The following NAP1L1 variants were observed in gnomAD, a reference collection of about 807,000 sequenced individuals.
The protein encoded by NAP1L1 is nucleosome assembly protein 1-like 1.
In NAP1L1, 9 loss-of-function variants were observed where a neutral mutation model predicts 58.9. That is an observed-to-expected ratio of 0.15 (90% CI 0.09 to 0.27). NAP1L1 has a LOEUF of 0.27. Ranked by LOEUF, NAP1L1 falls within the 10% of genes least tolerant of loss-of-function variation. The pLI is 1.00. For missense variants in NAP1L1, 302 were observed against 458.8 expected (o/e 0.66, Z 3.12); for synonymous variants, 130 against 138.3 (o/e 0.94, Z 0.42).
Position 76,040,540 on chromosome 12 carries a change from C to CA in NAP1L1, c.*7888dup, listed in dbSNP as rs1254603228. The CA allele has an allele frequency of 1.3e-5, 2 of 152,056 alleles. No homozygotes were observed. The highest frequency in any genetic ancestry group is 2.9e-5 in the Non-Finnish European group (2 of 68,108). 9.4% of individuals were successfully genotyped at this position (152,056 alleles called of 1,614,324 possible). A position where few individuals can be genotyped will look rare whatever the true frequency, so the allele number is the denominator to read the frequency against. ...ACATACACACACACACACACACAGACAGTTTCATTCTGTTGCTCAGGTTGG... is the reference window on the plus strand; with the variant it reads ...ACATACACACACACACACACACAGACAAGTTTCATTCTGTTGCTCAGGTTGG... On this transcript the variant is annotated 3_prime_UTR_variant, in exon 15 of 15. Transcript: ENST00000618691.
chr12:76,046,132 T>C lies in NAP1L1; in HGVS notation c.*2297A>G, dbSNP rs533117246. The C allele has an allele frequency of 4.6e-5, 7 of 151,858 alleles. No homozygotes were observed. The East Asian group carries it at 1.4e-3, about 29-fold the overall frequency. 9.4% of individuals were successfully genotyped at this position (151,858 alleles called of 1,614,324 possible). Reference sequence around the variant, plus strand: ...CTCCACTCTTCAAAAAAAAAGTATATACATTCATTTAAAAAAAAACACCCA... The same window carrying C: ...CTCCACTCTTCAAAAAAAAAGTATACACATTCATTTAAAAAAAAACACCCA... On this transcript the variant is annotated 3_prime_UTR_variant, in exon 15 of 15. Transcript: ENST00000618691.
intron 5 of NAP1L1, 88 bp downstream of exon 5, chr12:76,060,050 C>T: frequency 2.8e-6 from 4 of 1,409,918 alleles, no homozygotes; most frequent in African/African-American, 1.4e-5. Context: ...AATGAGAGTT[C>T]TAAAGATTAA....
intron 4 of NAP1L1, among the ~76,000 whole-genome samples, chr12:76,065,797 T>G (rs1056411444): frequency 2.0e-5 from 3 of 152,016 alleles, no homozygotes; most frequent in African/African-American, 7.2e-5. Flanking sequence ...TTTTGCTTGT[T>G]GACAACCCTG....
chr12:76,053,087 T>C lies in NAP1L1; in HGVS notation c.936+4A>G. On this transcript the variant is annotated splice_donor_region_variant and intron_variant, in intron 11 of 14. Coordinates refer to ENST00000618691, the MANE Select transcript of NAP1L1 (RefSeq NM_004537.7). ...TTCAATAAATATATAACAATTCAAC[T>C]TACCAGATCTCCACTCTCAGGAACT... 5 of 1,605,706 alleles carry C rather than the reference T, an allele frequency of 3.1e-6. No individual in the cohort carries two copies. Among genetic ancestry groups the C allele is most frequent in the Non-Finnish European group, 3.4e-6 (4 of 1,174,640 alleles).
chr12:76,074,089 A>T (rs1248820746), intron 2 of NAP1L1, 114 bp downstream of exon 2: 1 of 897,330 alleles, frequency 1.1e-6, no homozygotes, highest in East Asian at 2.5e-5. Flanking sequence ...AAAAGTAGGT[A>T]CTAAGCATTA....
chr12:76,049,524 C>T, intron 13 of NAP1L1: 1 of 1,535,446 alleles, frequency 6.5e-7, no homozygotes, highest in Non-Finnish European at 8.7e-7. Context: ...GAGCTGATAA[C>T]CCTGCAGCAG....
At chr12:76,074,111 T>G (rs1269701219) in intron 2 of NAP1L1, 92 bp downstream of exon 2, 2 of 1,132,866 alleles carry the variant, frequency 1.8e-6, no homozygotes, top group East Asian at 2.4e-5. Flanking sequence ...TAACTACATT[T>G]TCATAATATA....
chr12:76,042,546 A>G lies in NAP1L1; in HGVS notation c.*5883T>C, dbSNP rs967640578. ...TATTCATGGATTCTTATTCCTATAGAGCAACCTCATCTACTTTCCTAGTTG... is the reference window on the plus strand; with the variant it reads ...TATTCATGGATTCTTATTCCTATAGGGCAACCTCATCTACTTTCCTAGTTG... On this transcript the variant is annotated 3_prime_UTR_variant, in exon 15 of 15. Coordinates refer to ENST00000618691, the MANE Select transcript of NAP1L1 (RefSeq NM_004537.7). 6.6e-6 allele frequency: 1 copy of G among 152,244 alleles called. No individual in the cohort carries two copies. The highest frequency in any genetic ancestry group is 1.5e-5 in the Non-Finnish European group (1 of 68,034). 9.4% of individuals were successfully genotyped at this position (152,244 alleles called of 1,614,324 possible).
In NAP1L1 at chr12:76,050,103, G is replaced by A. The variant is rs74793459; in HGVS notation, c.1060-318C>T. Among the ~76,000 whole-genome samples, 568 of 152,214 alleles carry A rather than the reference G, an allele frequency of 3.7e-3. 2 individuals carry two copies. Among genetic ancestry groups the A allele is most frequent in the African/African-American group, 0.013 (549 of 41,544 alleles). Reference sequence around the variant, plus strand: ...GGACCTAAAGCCTACTCTAACAATTGCCGTTGAGCAATAAACATATTCAAA... The same window carrying A: ...GGACCTAAAGCCTACTCTAACAATTACCGTTGAGCAATAAACATATTCAAA... On this transcript the variant is annotated intron_variant, in intron 12 of 14. Transcript: ENST00000618691.
rs1948653461 is a variant in NAP1L1 at position 76,047,948 on chromosome 12, T to A, written c.*481A>T. The A allele has an allele frequency of 6.5e-6, 1 of 154,958 alleles. No individual in the cohort carries two copies. The highest frequency in any genetic ancestry group is 2.4e-5 in the African/African-American group (1 of 41,478). 9.6% of individuals were successfully genotyped at this position (154,958 alleles called of 1,614,324 possible). A position where few individuals can be genotyped will look rare whatever the true frequency, so the allele number is the denominator to read the frequency against. ...CTGGAAATTCTTAACCATATAGTTGTCTTGCCAATTTTTTTTTTAAACAAT... is the reference window on the plus strand; with the variant it reads ...CTGGAAATTCTTAACCATATAGTTGACTTGCCAATTTTTTTTTTAAACAAT... On this transcript the variant is annotated 3_prime_UTR_variant, in exon 15 of 15. Coordinates refer to ENST00000618691, the MANE Select transcript of NAP1L1 (RefSeq NM_004537.7).
intron 1 of NAP1L1, among the ~76,000 whole-genome samples, chr12:76,080,002 T>A (rs1341806794): frequency 6.6e-6 from 1 of 152,184 alleles, no homozygotes; most frequent in African/African-American, 2.4e-5. Flanking sequence ...AAAGGAAATC[T>A]TCCTTCCTAA....
intron 2 of NAP1L1, among the ~76,000 whole-genome samples, chr12:76,072,217 G>C: frequency 6.9e-6 from 1 of 145,766 alleles, no homozygotes; most frequent in African/African-American, 2.6e-5. Context: ...GAAAGAAAAT[G>C]TAAGAGCAAA....
At chr12:76,060,096 C>A (rs1187848970) in intron 5 of NAP1L1, 42 bp downstream of exon 5, 3 of 1,579,828 alleles carry the variant, frequency 1.9e-6, no homozygotes, top group East Asian at 4.5e-5. Flanking sequence ...TAGAATTCGT[C>A]TTCTAGAATG....
At chr12:76,070,393 C>A (rs1480279145) in intron 2 of NAP1L1, among the ~76,000 whole-genome samples, 1 of 152,184 alleles carries the variant, frequency 6.6e-6, no homozygotes, top group Non-Finnish European at 1.5e-5. Flanking sequence ...CAGGCATAAG[C>A]CACCACGCCC....
At chr12:76,079,536 T>C (rs1401651295) in intron 1 of NAP1L1, among the ~76,000 whole-genome samples, 1 of 151,890 alleles carries the variant, frequency 6.6e-6, no homozygotes, top group Admixed American at 6.6e-5. Flanking sequence ...CTAATCAGAG[T>C]TGGTATCACG....
intron 8 of NAP1L1, 71 bp from the exon 9 acceptor site, chr12:76,053,980 T>C (rs755875360): frequency 1.4e-6 from 2 of 1,430,436 alleles, no homozygotes; most frequent in Non-Finnish European, 1.9e-6. Flanking sequence ...TAAACACAGC[T>C]TCATCTGTTT....
At chr12:76,056,304 A>T in intron 6 of NAP1L1, 143 bp from the exon 7 acceptor site, 2 of 779,796 alleles carry the variant, frequency 2.6e-6, no homozygotes, top group East Asian at 2.9e-5. Flanking sequence ...GCCGTTGCCC[A>T]TAACAAACCT....
rs563106897 is a variant in NAP1L1, at chr12:76,084,262, T to G, written c.-21+305A>C. ...AGGGCACCCGGGCGTCACCGCGGCC[T>G]CGCTCCGGTCCACGCGGAAAAGACG... On this transcript the variant is annotated intron_variant, in intron 1 of 14. Transcript: ENST00000618691. Among the ~76,000 whole-genome samples the G allele has an allele frequency of 4.4e-3, 665 of 152,232 alleles. 2 individuals are homozygous for G. The highest frequency in any genetic ancestry group is 7.2e-3 in the Non-Finnish European group (488 of 67,990).
At position 76,068,892 on chromosome 12, in the gene NAP1L1, G is replaced by A; in HGVS notation, c.103+17C>T. 1 of 1,571,970 alleles carries A rather than the reference G, an allele frequency of 6.4e-7. No individual in the cohort carries two copies. The highest frequency in any genetic ancestry group is 8.7e-7 in the Non-Finnish European group (1 of 1,143,440). On this transcript the variant is annotated intron_variant, in intron 3 of 14. Coordinates refer to ENST00000618691, the MANE Select transcript of NAP1L1 (RefSeq NM_004537.7). ...GTGCCAGCAATCACTGGCTCCTGAA[G>A]TAATTTAAAGTAATACCTTTGAGTT...
Sources: allele counts gnomAD v4.1 joint callset (sites outside exome capture counted in the v4.1 genomes callset), GRCh38; gene constraint gnomAD v4.1.1; transcripts MANE v1.5; gene names NCBI Gene and HGNC (gene_info 2026-07-23, HGNC 2026-07-21).